Variants in UCK2 observed in about 807,000 individuals in gnomAD.
The protein encoded by UCK2 is uridine-cytidine kinase 2, also known as cytidine monophosphokinase 2.
A neutral mutation model predicts 30.8 loss-of-function variants in UCK2; 6 were observed. The observed-to-expected ratio is 0.19, with a 90% CI of 0.11 to 0.38. UCK2 has a LOEUF of 0.38. Among genes scored for constraint, UCK2 ranks in the 10% least tolerant of loss-of-function variants. The pLI, the probability that UCK2 is intolerant of heterozygous loss-of-function variation, is 1.00. For synonymous variants in UCK2, 125 were observed against 133.6 expected (o/e 0.94, Z 0.45); for missense variants, 210 against 339.8 (o/e 0.62, Z 3.00).
intron 1 of UCK2, among the ~76,000 whole-genome samples, chr1:165,845,748 G>T (rs1470278490): frequency 6.6e-6 from 1 of 152,130 alleles, no homozygotes. Flanking sequence ...GCTCACTGCA[G>T]CCTCAACTTG....
chr1:165,878,081 T>C (rs1406428944), intron 1 of UCK2, among the ~76,000 whole-genome samples: 12 of 152,188 alleles, frequency 7.9e-5, no homozygotes, highest in Non-Finnish European at 1.0e-4. Flanking sequence ...TCCACCATTA[T>C]AGCATCATAC....
Position 165,828,262 on chromosome 1 carries a change from C to T in UCK2, c.99+330C>T, listed in dbSNP as rs1024246509. ...AGGGAAGCGGATGCTTATTGTTTTG[C>T]AACTCCAGTGTCGGGGGAGAGGGCT... On this transcript the variant is annotated intron_variant, in intron 1 of 6. Transcript: ENST00000367879. 2.6e-5 allele frequency among the ~76,000 whole-genome samples: 4 copies of T among 152,280 alleles called. No homozygotes were observed. In the South Asian group the frequency reaches 8.3e-4, roughly 32 times the overall value.
intron 1 of UCK2, among the ~76,000 whole-genome samples, chr1:165,852,466 G>A (rs893903358): frequency 2.0e-5 from 3 of 152,184 alleles, no homozygotes; most frequent in African/African-American, 7.2e-5. Flanking sequence ...ATGAGAAAAA[G>A]CTCAACAACA....
chr1:165,870,636 G>A (rs1166336923), intron 1 of UCK2, among the ~76,000 whole-genome samples: 1 of 152,240 alleles, frequency 6.6e-6, no homozygotes, highest in Non-Finnish European at 1.5e-5. Context: ...ACTACAGGGA[G>A]CTTCCCTGAG....
At chr1:165,840,496 G>A (rs937806930) in intron 1 of UCK2, among the ~76,000 whole-genome samples, 3 of 152,174 alleles carry the variant, frequency 2.0e-5, no homozygotes, top group Non-Finnish European at 4.4e-5. Context: ...TCCCTCCAGT[G>A]TATCTTTGGT....
chr1:165,867,360 T>G (rs1004955732), intron 1 of UCK2, among the ~76,000 whole-genome samples: 4 of 152,220 alleles, frequency 2.6e-5, no homozygotes, highest in Non-Finnish European at 4.4e-5. Flanking sequence ...ATGAAAGATT[T>G]CTCTGTTTTA....
chr1:165,837,088 A>C (rs1402959484), intron 1 of UCK2, among the ~76,000 whole-genome samples: 3 of 152,172 alleles, frequency 2.0e-5, no homozygotes, highest in Non-Finnish European at 4.4e-5. Context: ...AATCCAGTTC[A>C]TGATGGTGGT....
chr1:165,906,816 A>G (rs760138209), intron 6 of UCK2, among the ~76,000 whole-genome samples: 2 of 152,194 alleles, frequency 1.3e-5, no homozygotes, highest in African/African-American at 4.8e-5. Flanking sequence ...TAAAAAGATT[A>G]TTTCTTGAGC....
At chr1:165,901,322 A>T (rs1195552713) in intron 4 of UCK2, among the ~76,000 whole-genome samples, 1 of 152,224 alleles carries the variant, frequency 6.6e-6, no homozygotes, top group Non-Finnish European at 1.5e-5. Context: ...CAGCATCATT[A>T]GTGCCCAGCT....
At chr1:165,889,023 T>A (rs887369005) in intron 1 of UCK2, among the ~76,000 whole-genome samples, 49 of 152,236 alleles carry the variant, frequency 3.2e-4, no homozygotes, top group Non-Finnish European at 6.2e-4. Flanking sequence ...TTCTTTTTTT[T>A]AAATTTTAGG....
intron 1 of UCK2, among the ~76,000 whole-genome samples, chr1:165,877,278 CATTTT>C (rs68060784): frequency 0.38 from 57,720 of 151,530 alleles, 11,133 homozygotes; most frequent in Non-Finnish European, 0.45. Context: ...TTTAGATAAA[CATTTT>C]GTTTTGAGAT....
chr1:165,847,763 G>C (rs565790495), intron 1 of UCK2, among the ~76,000 whole-genome samples: 1 of 152,018 alleles, frequency 6.6e-6, no homozygotes, highest in Admixed American at 6.5e-5. Context: ...ACAGGCATAT[G>C]CCACCATTCC....
At chr1:165,903,530 T>G (rs151215804) in intron 5 of UCK2, among the ~76,000 whole-genome samples, 21 of 152,240 alleles carry the variant, frequency 1.4e-4, no homozygotes, top group African/African-American at 4.3e-4. Flanking sequence ...GCAGGTCATT[T>G]AATTCCCAGC....
At chr1:165,835,232 G>T (rs938176992) in intron 1 of UCK2, among the ~76,000 whole-genome samples, 2 of 152,032 alleles carry the variant, frequency 1.3e-5, no homozygotes, top group Non-Finnish European at 2.9e-5. Context: ...GCTGATTTTG[G>T]ACTATGGTCT....
intron 1 of UCK2, among the ~76,000 whole-genome samples, chr1:165,828,250 C>G (rs1325471191): frequency 6.6e-6 from 1 of 152,188 alleles, no homozygotes; most frequent in Admixed American, 6.5e-5. Context: ...GAAGCGGATG[C>G]TTATTGTTTT....
At chr1:165,856,727 T>C (rs1654755029) in intron 1 of UCK2, among the ~76,000 whole-genome samples, 1 of 152,158 alleles carries the variant, frequency 6.6e-6, no homozygotes, top group Non-Finnish European at 1.5e-5. Flanking sequence ...TCCTAAGTCT[T>C]CAGTCTTAGG....
At chr1:165,890,684 C>A in intron 2 of UCK2, 1 of 314,362 alleles carries the variant, frequency 3.2e-6, no homozygotes, top group Non-Finnish European at 6.2e-6. Flanking sequence ...TGATCTGAGG[C>A]AGCCCTCGTC....
At chr1:165,846,021 G>A (rs540916763) in intron 1 of UCK2, among the ~76,000 whole-genome samples, 1 of 152,318 alleles carries the variant, frequency 6.6e-6, no homozygotes, top group Non-Finnish European at 1.5e-5. Context: ...ACCAGGTGCA[G>A]TGGCTCATGC....
At chr1:165,840,059 C>T (rs1654289316) in intron 1 of UCK2, among the ~76,000 whole-genome samples, 1 of 152,220 alleles carries the variant, frequency 6.6e-6, no homozygotes, top group Non-Finnish European at 1.5e-5. Context: ...GCTGGGACTA[C>T]AGGCGTGTGC....
Sources: gnomAD v4.1 joint callset for allele counts (sites outside exome capture counted in the v4.1 genomes callset) on GRCh38, gnomAD v4.1.1 for gene constraint, MANE v1.5 for transcripts, NCBI Gene and HGNC (gene_info 2026-07-23, HGNC 2026-07-21) for gene names.